Variants in DLG2 observed in about 807,000 individuals in gnomAD.
The protein encoded by DLG2 is disks large homolog 2.
In DLG2, 45 loss-of-function variants were observed where a neutral mutation model predicts 132.5. That is an observed-to-expected ratio of 0.34 (90% CI 0.27 to 0.44). The LOEUF (loss-of-function observed/expected upper bound fraction) is 0.44, where lower values mean the gene tolerates loss of function less well. Ranked by LOEUF, DLG2 falls within the 20% of genes least tolerant of loss-of-function variation. The probability of loss-of-function intolerance (pLI) is 1.00; values close to 1 mark genes in which losing one functional copy is unlikely to be tolerated. For missense variants in DLG2, 1,045 were observed against 1,196.9 expected (o/e 0.87, Z 1.87); for synonymous variants, 424 against 419.6 (o/e 1.01, Z -0.13).
rs544407469 is a variant in DLG2 at position 85,378,831 on chromosome 11, A to G, written c.41-93466T>C. The stretch of plus-strand genomic sequence containing the variant: ...TCTCAATACTTACAAGATTTCATAC[A>G]TAACAAAAGTTTGAATACATCTTTC... On this transcript the variant is annotated intron_variant, in intron 3 of 27. Transcript: ENST00000376104. Among the ~76,000 whole-genome samples, 34 of 152,302 alleles carry G rather than the reference A, an allele frequency of 2.2e-4. No individual in the cohort carries two copies. The East Asian group carries it at 6.2e-3, about 28-fold the overall frequency.
At chr11:84,423,334 T>C (rs775860834) in intron 7 of DLG2, among the ~76,000 whole-genome samples, 1 of 152,146 alleles carries the variant, frequency 6.6e-6, no homozygotes, top group Non-Finnish European at 1.5e-5. Context: ...TCTCACTTAG[T>C]ACACTAAGAT....
At chr11:83,534,920 G>C (rs115675420) in intron 20 of DLG2, among the ~76,000 whole-genome samples, 3,172 of 152,290 alleles carry the variant, frequency 0.021, 69 homozygotes, top group African/African-American at 0.055. Context: ...TCTAGCCTGG[G>C]TGACACAGCG....
At chr11:84,835,654 C>G (rs1458054158) in intron 6 of DLG2, among the ~76,000 whole-genome samples, 1 of 151,718 alleles carries the variant, frequency 6.6e-6, no homozygotes, top group Admixed American at 6.6e-5. Flanking sequence ...CATCATACAG[C>G]TGGCTGTACT....
intron 19 of DLG2, among the ~76,000 whole-genome samples, chr11:83,621,446 G>C (rs865923045): frequency 6.6e-6 from 1 of 152,086 alleles, no homozygotes; most frequent in South Asian, 2.1e-4. Context: ...GAAGGGCCAA[G>C]AGGCAGAAAC....
chr11:84,949,493 G>A (rs192311797), intron 6 of DLG2, among the ~76,000 whole-genome samples: 4 of 141,176 alleles, frequency 2.8e-5, no homozygotes, highest in African/African-American at 1.0e-4. Context: ...CATCCCTGCA[G>A]TCTCAACCAT....
chr11:85,067,784 C>G (rs1318332592), intron 6 of DLG2, among the ~76,000 whole-genome samples: 1 of 152,094 alleles, frequency 6.6e-6, no homozygotes, highest in East Asian at 1.9e-4. Flanking sequence ...AGAGGGAATC[C>G]TCCCTAACTC....
chr11:84,525,422 C>T (rs1565191848), intron 7 of DLG2, among the ~76,000 whole-genome samples: 1 of 152,000 alleles, frequency 6.6e-6, no homozygotes, highest in East Asian at 1.9e-4. Context: ...TGTAAATTAT[C>T]TTCTATTTCT....
At position 84,978,787 on chromosome 11, in the gene DLG2, T is replaced by A. The variant is rs561917473; in HGVS notation, c.357+132874A>T. On this transcript the variant is annotated intron_variant, in intron 6 of 27. Transcript: ENST00000376104. ...GTCATGTCTAAAACACCAAAAGCAA[T>A]GGCAACAAAAGCCAAAATTGACAAA... 2.6e-5 allele frequency among the ~76,000 whole-genome samples: 4 copies of A among 152,202 alleles called. No individual in the cohort carries two copies. The South Asian group carries it at 8.3e-4, about 31-fold the overall frequency.
At chr11:85,313,549 T>C (rs1268776267) in intron 3 of DLG2, among the ~76,000 whole-genome samples, 2 of 152,036 alleles carry the variant, frequency 1.3e-5, no homozygotes, top group Non-Finnish European at 2.9e-5. Flanking sequence ...ACATAGTCTA[T>C]ATCCAATAGT....
intron 6 of DLG2, among the ~76,000 whole-genome samples, chr11:84,823,375 C>T (rs1024352043): frequency 4.6e-5 from 7 of 151,738 alleles, no homozygotes; most frequent in Admixed American, 1.3e-4. Context: ...ACTTACCCCT[C>T]TCCTCCAGCC....
At chr11:85,100,469 A>G (rs2070691978) in intron 6 of DLG2, among the ~76,000 whole-genome samples, 1 of 152,192 alleles carries the variant, frequency 6.6e-6, no homozygotes, top group African/African-American at 2.4e-5. Context: ...GAAAAAGACG[A>G]TTTTAACAAG....
In DLG2 at chr11:84,213,663, G is replaced by GA. The variant is rs1316817719; in HGVS notation, c.573+37574dup. Among the ~76,000 whole-genome samples the GA allele has an allele frequency of 2.6e-5, 4 of 151,536 alleles. 1 individual carries two copies. The highest frequency in any genetic ancestry group is 7.3e-5 in the African/African-American group (3 of 41,272). ...TCAAACCCTGTCTCTACTAAAAATAGAAAAAATTAGACTGGCGTGGTGGCG... is the reference window on the plus strand; with the variant it reads ...TCAAACCCTGTCTCTACTAAAAATAGAAAAAAATTAGACTGGCGTGGTGGCG... On this transcript the variant is annotated intron_variant, in intron 8 of 27. Coordinates refer to ENST00000376104, the MANE Select transcript of DLG2 (RefSeq NM_001142699.3).
At chr11:84,421,859 A>G (rs1263256900) in intron 7 of DLG2, among the ~76,000 whole-genome samples, 1 of 152,172 alleles carries the variant, frequency 6.6e-6, no homozygotes, top group Non-Finnish European at 1.5e-5. Flanking sequence ...GCTCGGAATG[A>G]ATCCCTCACC....
intron 6 of DLG2, among the ~76,000 whole-genome samples, chr11:84,650,871 G>GTATATATATATATA (rs1398321637): frequency 4.8e-5 from 6 of 124,642 alleles, no homozygotes; most frequent in African/African-American, 2.1e-4. Context: ...GTGTGTGTGT[G>GTATATATATATATA]TGTATATATA....
chr11:85,192,437 A>G (rs957759251), intron 4 of DLG2, among the ~76,000 whole-genome samples: 2 of 152,186 alleles, frequency 1.3e-5, no homozygotes, highest in Non-Finnish European at 1.5e-5. Flanking sequence ...ACTACCTAGA[A>G]CAAAGGGAAC....
At chr11:83,697,168 T>C (rs2082088142) in intron 18 of DLG2, among the ~76,000 whole-genome samples, 1 of 152,232 alleles carries the variant, frequency 6.6e-6, no homozygotes, top group Non-Finnish European at 1.5e-5. Flanking sequence ...TTCTACTTTT[T>C]CTACCTAACA....
chr11:85,606,991 A>C (rs1363932520), intron 2 of DLG2, among the ~76,000 whole-genome samples: 1 of 152,222 alleles, frequency 6.6e-6, no homozygotes, highest in African/African-American at 2.4e-5. Flanking sequence ...TTCATTCTTG[A>C]AGTCAGAGAG....
chr11:84,960,780 T>C lies in DLG2; in HGVS notation c.357+150881A>G, dbSNP rs2052442775. ...TTCACTCCGAGAAAAGAAGTTCTTATAGTAAATACTGATTTTTGATGATGA... is the reference window on the plus strand; with the variant it reads ...TTCACTCCGAGAAAAGAAGTTCTTACAGTAAATACTGATTTTTGATGATGA... On this transcript the variant is annotated intron_variant, in intron 6 of 27. Coordinates refer to ENST00000376104, the MANE Select transcript of DLG2 (RefSeq NM_001142699.3). Among the ~76,000 whole-genome samples, 3 of 152,284 alleles carry C rather than the reference T, an allele frequency of 2.0e-5. No individual in the cohort carries two copies. In the East Asian group the frequency reaches 5.8e-4, roughly 29 times the overall value.
intron 6 of DLG2, among the ~76,000 whole-genome samples, chr11:84,766,531 C>T (rs1379738190): frequency 1.3e-5 from 2 of 152,176 alleles, no homozygotes; most frequent in South Asian, 4.1e-4. Context: ...AGTTCAGCAA[C>T]TGGCATAATG....
Sources: gnomAD v4.1 joint callset for allele counts (sites outside exome capture counted in the v4.1 genomes callset) on GRCh38, gnomAD v4.1.1 for gene constraint, MANE v1.5 for transcripts, NCBI Gene and HGNC (gene_info 2026-07-23, HGNC 2026-07-21) for gene names.